The following GTF2F2 variants were observed in gnomAD, a reference collection of about 807,000 sequenced individuals.
The protein encoded by GTF2F2 is ATP-dependent helicase GTF2F2.
GTF2F2 carries 23 observed loss-of-function variants against 42.2 expected under a neutral mutation model. The observed-to-expected ratio is 0.55, with a 90% CI of 0.39 to 0.77. The LOEUF (loss-of-function observed/expected upper bound fraction) is 0.77, where lower values mean the gene tolerates loss of function less well. Among genes scored for constraint, GTF2F2 ranks in the 30% least tolerant of loss-of-function variants. The pLI, the probability that GTF2F2 is intolerant of heterozygous loss-of-function variation, is 0.00. For missense variants in GTF2F2, 261 were observed against 287.2 expected, an observed-to-expected ratio of 0.91 and a Z score of 0.66; for synonymous variants, 105 against 100.8, an observed-to-expected ratio of 1.04 and a Z score of -0.25.
rs1873536913 is a variant in GTF2F2 at position 45,209,222 on chromosome 13, G to C, written c.386+1717G>C. Among the ~76,000 whole-genome samples, 7 of 152,150 alleles carry C rather than the reference G, an allele frequency of 4.6e-5. No individual in the cohort carries two copies. In the South Asian group the frequency reaches 1.4e-3, roughly 32 times the overall value. On this transcript the variant is annotated intron_variant, in intron 5 of 7. Transcript: ENST00000340473. ...GGTGGTCTCATAAGATTACAGTACTGTATTTTTTCTGTTGCTTTTCTGTGT... is the reference window on the plus strand; with the variant it reads ...GGTGGTCTCATAAGATTACAGTACTCTATTTTTTCTGTTGCTTTTCTGTGT...
chr13:45,134,883 A>G (rs7328051), intron 1 of GTF2F2, among the ~76,000 whole-genome samples: 35,738 of 151,732 alleles, frequency 0.24, 4,576 homozygotes, highest in African/African-American at 0.33. Flanking sequence ...TTTGCAGGGC[A>G]ATTGGAAGGA....
chr13:45,186,097 C>T (rs1180995283), intron 4 of GTF2F2, among the ~76,000 whole-genome samples: 1 of 151,784 alleles, frequency 6.6e-6, no homozygotes, highest in African/African-American at 2.4e-5. Flanking sequence ...GCCTCAGCCT[C>T]CCGAGTAGCT....
At chr13:45,242,154 T>C (rs905643583) in intron 5 of GTF2F2, among the ~76,000 whole-genome samples, 1 of 152,084 alleles carries the variant, frequency 6.6e-6, no homozygotes, top group African/African-American at 2.4e-5. Context: ...CTTCATATCT[T>C]TTTCATATTA....
chr13:45,282,693 C>CG (rs1249752258), intron 7 of GTF2F2, among the ~76,000 whole-genome samples: 1 of 151,916 alleles, frequency 6.6e-6, no homozygotes, highest in East Asian at 1.9e-4. Flanking sequence ...TTAGTAGAGA[C>CG]GGGGTTTCAC....
intron 2 of GTF2F2, among the ~76,000 whole-genome samples, chr13:45,144,173 A>AC (rs113036162): frequency 6.6e-6 from 1 of 151,818 alleles, no homozygotes; most frequent in African/African-American, 2.4e-5. Context: ...AATCGCTTGA[A>AC]CCCGGGGAAG....
chr13:45,178,086 A>G (rs928707248), intron 4 of GTF2F2, among the ~76,000 whole-genome samples: 2 of 152,044 alleles, frequency 1.3e-5, no homozygotes, highest in Non-Finnish European at 2.9e-5. Flanking sequence ...ATTTGTAGAA[A>G]ACTTTCTGAC....
intron 2 of GTF2F2, among the ~76,000 whole-genome samples, chr13:45,141,116 A>T (rs1481037850): frequency 6.6e-6 from 1 of 152,216 alleles, no homozygotes; most frequent in Non-Finnish European, 1.5e-5. Flanking sequence ...GAAAACCTCT[A>T]TGTAAAGAAA....
At chr13:45,250,027 C>A (rs1308205545) in intron 5 of GTF2F2, among the ~76,000 whole-genome samples, 1 of 150,680 alleles carries the variant, frequency 6.6e-6, no homozygotes, top group Non-Finnish European at 1.5e-5. Context: ...GGAATCATTT[C>A]CACCTAATCT....
At chr13:45,125,673 G>A (rs1376741031) in intron 1 of GTF2F2, among the ~76,000 whole-genome samples, 2 of 152,030 alleles carry the variant, frequency 1.3e-5, no homozygotes, top group East Asian at 3.9e-4. Context: ...GAGGTGAGGT[G>A]GGGACTTCAT....
Position 45,267,354 on chromosome 13 carries a change from T to C in GTF2F2, c.608T>C (p.Val203Ala). 1.2e-6 allele frequency: 2 copies of C among 1,609,806 alleles called. No individual in the cohort carries two copies. Among genetic ancestry groups the C allele is most frequent in the Non-Finnish European group, 1.7e-6 (2 of 1,177,022 alleles). The stretch of plus-strand genomic sequence containing the variant: ...CAATACTATAATCTTAAGGACTTGG[T>C]GGACATCACAAAGCAACCTGTGGTA... ...KHQYYNLKDL[V>A]DITKQPVVYL... Residue 203 changes from valine (V) to alanine (A), a missense_variant, in exon 7 of 8, where the codon GTG becomes GCG. Val to Ala is a moderately conservative substitution (Grantham distance 64, BLOSUM62 0). Transcript: ENST00000340473.
intron 3 of GTF2F2, among the ~76,000 whole-genome samples, chr13:45,150,392 A>G (rs771573358): frequency 4.6e-5 from 7 of 152,164 alleles, no homozygotes. Flanking sequence ...AAATAATACC[A>G]TGTACTCATA....
chr13:45,171,069 CTTTTTTTTTT>C (rs908914894), intron 4 of GTF2F2, among the ~76,000 whole-genome samples: 4 of 94,244 alleles, frequency 4.2e-5, no homozygotes, highest in South Asian at 3.4e-4. Context: ...AAAACCCTAT[CTTTTTTTTTT>C]TTTTTTTTTT....
At chr13:45,128,388 T>C in intron 1 of GTF2F2, among the ~76,000 whole-genome samples, 1 of 148,490 alleles carries the variant, frequency 6.7e-6, no homozygotes, top group Non-Finnish European at 1.5e-5. Context: ...GCCTGACCAA[T>C]ATGGTGAAAC....
intron 6 of GTF2F2, among the ~76,000 whole-genome samples, chr13:45,254,153 TCA>T (rs1875998796): frequency 6.6e-6 from 1 of 152,062 alleles, no homozygotes; most frequent in Non-Finnish European, 1.5e-5. Flanking sequence ...GAGACCACAT[TCA>T]CAGACTGTTA....
At chr13:45,283,174 TTTTG>T (rs1246668937) in intron 7 of GTF2F2, among the ~76,000 whole-genome samples, 4 of 152,260 alleles carry the variant, frequency 2.6e-5, no homozygotes, top group Admixed American at 1.3e-4. Flanking sequence ...TTTGTGTTTT[TTTTG>T]TTTGTTTGTT....
At chr13:45,276,404 G>C (rs1400951977) in intron 7 of GTF2F2, among the ~76,000 whole-genome samples, 1 of 151,612 alleles carries the variant, frequency 6.6e-6, no homozygotes, top group East Asian at 1.9e-4. Flanking sequence ...TCGGTCACAT[G>C]GTAACTTTGT....
chr13:45,175,692 G>A (rs987876263), intron 4 of GTF2F2, among the ~76,000 whole-genome samples: 20 of 152,116 alleles, frequency 1.3e-4, no homozygotes, highest in Non-Finnish European at 2.6e-4. Context: ...GCACTATCTC[G>A]GCTCACTGCA....
chr13:45,147,998 CGT>C (rs1344145382), intron 2 of GTF2F2, among the ~76,000 whole-genome samples: 1 of 152,080 alleles, frequency 6.6e-6, no homozygotes, highest in Non-Finnish European at 1.5e-5. Flanking sequence ...TATGATTGGA[CGT>C]GTCTATTTTC....
chr13:45,226,599 A>G (rs1216592369), intron 5 of GTF2F2, among the ~76,000 whole-genome samples: 1 of 152,006 alleles, frequency 6.6e-6, no homozygotes, highest in Non-Finnish European at 1.5e-5. Flanking sequence ...TGTTTTTCTT[A>G]ATTCTTCTTA....
Sources: gnomAD v4.1 joint callset for allele counts (sites outside exome capture counted in the v4.1 genomes callset) on GRCh38, gnomAD v4.1.1 for gene constraint, MANE v1.5 for transcripts, NCBI Gene and HGNC (gene_info 2026-07-23, HGNC 2026-07-21) for gene names.